NAMPT: variants seen among roughly 807,000 people sequenced by gnomAD.
NAMPT encodes the protein nicotinamide phosphoribosyltransferase, also known as NAmPRTase.
In NAMPT, 7 loss-of-function variants were observed where a neutral mutation model predicts 58.7. The observed-to-expected ratio is 0.12, with a 90% CI of 0.07 to 0.22. NAMPT has a LOEUF of 0.22. Among genes scored for constraint, NAMPT ranks in the 10% least tolerant of loss-of-function variants. The pLI is 1.00. For missense variants in NAMPT, 271 were observed against 567.9 expected (o/e 0.48, Z 5.31); for synonymous variants, 145 against 198.1 (o/e 0.73, Z 2.25).
intron 6 of NAMPT, among the ~76,000 whole-genome samples, chr7:106,267,840 C>CAAAAAAAAAAAA (rs769070307): frequency 0.016 from 545 of 33,146 alleles, 137 homozygotes; most frequent in Non-Finnish European, 0.022. Context: ...GACTCCGTCT[C>CAAAAAAAAAAAA]AAAAAAAAAA....
chr7:106,268,632 A>G (rs1373169832), intron 5 of NAMPT, 32 bp from the exon 6 acceptor site: 3 of 1,527,430 alleles, frequency 2.0e-6, no homozygotes, highest in Middle Eastern at 3.4e-4. Flanking sequence ...AAAATCCAAA[A>G]CAGAAAGAAA....
At chr7:106,285,719 C>G (rs1792869202), upstream of NAMPT, 3 of 327,472 alleles carry the variant, frequency 9.2e-6, no homozygotes, top group South Asian at 1.2e-4. Context: ...TATGGCTGAG[C>G]TCTTTGATCC....
chr7:106,269,400 G>A (rs1453220945), intron 4 of NAMPT, 88 bp from the exon 5 acceptor site: 6 of 1,222,872 alleles, frequency 4.9e-6, no homozygotes, highest in South Asian at 1.5e-5. Context: ...TTTTTTTGGA[G>A]GTATGTCCTG....
At chr7:106,279,302 A>G (rs1330099375) in intron 1 of NAMPT, among the ~76,000 whole-genome samples, 1 of 152,256 alleles carries the variant, frequency 6.6e-6, no homozygotes. Context: ...TTTAGAATAT[A>G]GCTAACGCAT....
chr7:106,251,213 A>C lies in NAMPT; in HGVS notation c.1366-20T>G. The C allele has an allele frequency of 6.7e-7, 1 of 1,490,102 alleles. No homozygotes were observed. The highest frequency in any genetic ancestry group is 9.4e-7 in the Non-Finnish European group (1 of 1,068,250). 92.3% of individuals were successfully genotyped at this position (1,490,102 alleles called of 1,614,324 possible). A position where few individuals can be genotyped will look rare whatever the true frequency, so the allele number is the denominator to read the frequency against. ...AAGATCCTGCATAAATGGAAATTTC[A>C]TGATTATATTACATTATTAAGCAAA... On this transcript the variant is annotated intron_variant, in intron 10 of 10. Coordinates refer to ENST00000222553, the MANE Select transcript of NAMPT (RefSeq NM_005746.3).
At position 106,249,863 on chromosome 7, in the gene NAMPT, T is replaced by C. The variant is rs1191621025; in HGVS notation, c.*1220A>G. 1 of 152,056 alleles carries C rather than the reference T, an allele frequency of 6.6e-6. No individual in the cohort carries two copies. The highest frequency in any genetic ancestry group is 1.5e-5 in the Non-Finnish European group (1 of 67,952). The allele number at this position is 152,056 out of a possible 1,614,324, so 9.4% of individuals were successfully genotyped here. A position where few individuals can be genotyped will look rare whatever the true frequency, so the allele number is the denominator to read the frequency against. On this transcript the variant is annotated 3_prime_UTR_variant, in exon 11 of 11. Transcript: ENST00000222553. Reference sequence around the variant, plus strand: ...GTCAGATGTGATGTATGATTCAGAATCTAGTAGCTAATCACTCTAGAACAT... The same window carrying C: ...GTCAGATGTGATGTATGATTCAGAACCTAGTAGCTAATCACTCTAGAACAT...
chr7:106,277,165 T>C lies in NAMPT; in HGVS notation c.72A>G (p.Lys24=), dbSNP rs369538103. The stretch of plus-strand genomic sequence containing the variant: ...CTTTGCTTGTGTTGGGTGGATATTG[T>C]TTATAGTGAGTAACCTATGTAAAGA... ...ATDSYKVTHY[K]QYPPNTSKVY... is the part of the protein sequence containing the mutation. Residue 24 remains lysine (K), a synonymous_variant, in exon 2 of 11, where the codon AAA becomes AAG. Coordinates refer to ENST00000222553, the MANE Select transcript of NAMPT (RefSeq NM_005746.3). The C allele has an allele frequency of 1.2e-6, 2 of 1,610,884 alleles. No individual in the cohort carries two copies. Among genetic ancestry groups the C allele is most frequent in the African/African-American group, 1.3e-5 (1 of 74,724 alleles).
At chr7:106,272,413 G>T in intron 4 of NAMPT, 117 bp downstream of exon 4, 1 of 882,846 alleles carries the variant, frequency 1.1e-6, no homozygotes, top group Non-Finnish European at 1.6e-6. Context: ...AGCCTGGAAA[G>T]GTTAAGTAAA....
upstream of NAMPT, chr7:106,285,391 C>A: frequency 2.2e-6 from 1 of 460,906 alleles, no homozygotes; most frequent in Non-Finnish European, 2.9e-6. Flanking sequence ...GCCAGTGCCA[C>A]GAGGAGCCGG....
chr7:106,262,287 T>G (rs1037697153), intron 7 of NAMPT, among the ~76,000 whole-genome samples: 1 of 152,082 alleles, frequency 6.6e-6, no homozygotes, highest in African/African-American at 2.4e-5. Context: ...ACTAAAAGTT[T>G]TGTACACCAA....
At chr7:106,253,208 A>G (rs1459489870) in intron 9 of NAMPT, 57 bp from the exon 10 acceptor site, 1 of 1,567,402 alleles carries the variant, frequency 6.4e-7, no homozygotes, top group African/African-American at 1.4e-5. Context: ...AGAAATGTCT[A>G]AACACTCCCT....
intron 2 of NAMPT, 100 bp from the exon 3 acceptor site, chr7:106,275,149 A>G (rs1251310334): frequency 9.0e-6 from 6 of 668,694 alleles, no homozygotes; most frequent in African/African-American, 3.7e-5. Flanking sequence ...CACCCATTCT[A>G]TGGATTAAAA....
intron 6 of NAMPT, among the ~76,000 whole-genome samples, chr7:106,265,331 C>T (rs1792389414): frequency 6.6e-6 from 1 of 152,058 alleles, no homozygotes; most frequent in African/African-American, 2.4e-5. Flanking sequence ...TCACTGTCCC[C>T]ATCTTACTTG....
rs1318582983 is a variant in NAMPT, at chr7:106,277,145, C to G, written c.92G>C (p.Ser31Thr). 3.1e-6 allele frequency: 5 copies of G among 1,611,912 alleles called. No homozygotes were observed. The highest frequency in any genetic ancestry group is 3.3e-5 in the Admixed American group (2 of 59,864). ...GCATTCAAAGTAGGAATAAACTTTG[C>G]TTGTGTTGGGTGGATATTGTTTATA... is the stretch of plus-strand genomic sequence containing the variant. ...THYKQYPPNTSKVYSYFECRE... is the reference protein window; with the variant it reads ...THYKQYPPNTTKVYSYFECRE... The change falls in exon 2 of 11, where the codon AGC (serine) becomes ACC (threonine). Residue 31 changes from serine (S) to threonine (T), a missense_variant. Ser to Thr is a moderately conservative substitution (Grantham distance 58, BLOSUM62 1). Coordinates refer to ENST00000222553, the MANE Select transcript of NAMPT (RefSeq NM_005746.3).
Position 106,253,143 on chromosome 7 carries a change from G to A in NAMPT, c.1239C>T (p.Val413=), listed in dbSNP as rs774921750. Residue 413 remains valine (V), a synonymous_variant, in exon 10 of 11, where the codon GTC becomes GTT. Transcript: ENST00000222553. ...TGGGATCAGCAACTGGGTCCTTGAA[G>A]ACGTTAATCTGAAATCCAAATTAAG... ...YVVTNGLGIN[V]FKDPVADPNK... 11 of 1,611,970 alleles carry A rather than the reference G, an allele frequency of 6.8e-6. No individual in the cohort carries two copies. The highest frequency in any genetic ancestry group is 9.3e-6 in the Non-Finnish European group (11 of 1,179,054).
chr7:106,273,521 C>T (rs565328312), intron 3 of NAMPT, among the ~76,000 whole-genome samples: 77 of 152,192 alleles, frequency 5.1e-4, no homozygotes, highest in African/African-American at 1.8e-3. Context: ...TCAAAAGCAG[C>T]GGGGAGACCC....
chr7:106,273,126 GAGA>G (rs1478401623), intron 3 of NAMPT, among the ~76,000 whole-genome samples: 3 of 152,234 alleles, frequency 2.0e-5, no homozygotes, highest in Admixed American at 2.0e-4. Flanking sequence ...CAAAACGAGA[GAGA>G]AGGAGAGCTA....
rs1586007783 is a variant in NAMPT, at chr7:106,249,949, T to C, written c.*1134A>G. The stretch of plus-strand genomic sequence containing the variant: ...GATTCTTCTATTGAAACACATGTCA[T>C]GCTTTTCATTGGAGATAATTTATCT... On this transcript the variant is annotated 3_prime_UTR_variant, in exon 11 of 11. Coordinates refer to ENST00000222553, the MANE Select transcript of NAMPT (RefSeq NM_005746.3). The C allele has an allele frequency of 6.6e-6, 1 of 152,176 alleles. No homozygotes were observed. Among genetic ancestry groups the C allele is most frequent in the Admixed American group, 6.6e-5 (1 of 15,246 alleles). The allele number at this position is 152,176 out of a possible 1,614,324, so 9.4% of individuals were successfully genotyped here.
At chr7:106,273,013 A>T (rs575015451) in intron 3 of NAMPT, among the ~76,000 whole-genome samples, 1 of 152,348 alleles carries the variant, frequency 6.6e-6, no homozygotes, top group African/African-American at 2.4e-5. Flanking sequence ...ACATATTCTA[A>T]AAGTATTCCA....
Sources: allele counts gnomAD v4.1 joint callset (sites outside exome capture counted in the v4.1 genomes callset), GRCh38; gene constraint gnomAD v4.1.1; transcripts MANE v1.5; gene names NCBI Gene and HGNC (gene_info 2026-07-23, HGNC 2026-07-21).